Variants in CERS1 observed in about 807,000 individuals in gnomAD.
CERS1 encodes the protein Embryonic growth/differentiation factor 1.
In CERS1, 16 loss-of-function variants were observed where a neutral mutation model predicts 35.7. The ratio of observed to expected loss-of-function variants is 0.45; its 90% CI spans 0.30 to 0.68. The LOEUF is 0.68. Among genes scored for constraint, CERS1 ranks in the 30% least tolerant of loss-of-function variants. The pLI is 0.08. For missense variants in CERS1, 454 were observed against 453.9 expected (o/e 1.00, Z 0.00); for synonymous variants, 243 against 201.6 (o/e 1.21, Z -1.74).
chr19:18,868,555 CGCG>C lies in CERS1; in HGVS notation c.*1427_*1429del. ...CCAAGGAGACCAGCGGAGCAGACCA[CGCG>C]GCATTTATTGTTGGGCCCGCGTCCC... On this transcript the variant is annotated 3_prime_UTR_variant, in exon 8 of 8. Coordinates refer to ENST00000623882, the MANE Select transcript of CERS1 (RefSeq NM_021267.5). 6.9e-7 allele frequency: 1 copy of C among 1,453,864 alleles called. No homozygotes were observed. 90.1% of individuals were successfully genotyped at this position (1,453,864 alleles called of 1,614,324 possible).
intron 2 of CERS1, among the ~76,000 whole-genome samples, chr19:18,884,568 C>T (rs558326537): frequency 1.3e-4 from 20 of 152,016 alleles, no homozygotes; most frequent in Admixed American, 8.5e-4. Flanking sequence ...CCACCAAGCC[C>T]GGCTAATTTT....
intron 1 of CERS1, 94 bp from the exon 2 acceptor site, chr19:18,893,669 G>T: frequency 3.0e-6 from 4 of 1,320,308 alleles, no homozygotes; most frequent in Non-Finnish European, 2.1e-6. Flanking sequence ...GACTCCCCAG[G>T]CCGGGCAGCA....
intron 6 of CERS1, among the ~76,000 whole-genome samples, chr19:18,875,448 C>T (rs1318446353): frequency 6.6e-6 from 1 of 150,970 alleles, no homozygotes; most frequent in East Asian, 1.9e-4. Context: ...GAGGCTGAGG[C>T]AGGAGAATTA....
Position 18,895,467 on chromosome 19 carries a change from C to G in CERS1, c.249+357G>C, listed in dbSNP as rs964328959. Among the ~76,000 whole-genome samples the G allele has an allele frequency of 6.6e-6, 1 of 151,780 alleles. No homozygotes were observed. The highest frequency in any genetic ancestry group is 6.6e-5 in the Admixed American group (1 of 15,262). ...GGCCGGAGCCATCCACCGCGCGGGG[C>G]CCCCTGGTCCCAAACTGACCGGAAA... On this transcript the variant is annotated intron_variant, in intron 1 of 7. Transcript: ENST00000623882. The surrounding 1 kb of genome is among the most constrained non-coding windows in gnomAD (Gnocchi z 6.4).
At chr19:18,882,681 A>C (rs1302076272) in intron 3 of CERS1, among the ~76,000 whole-genome samples, 2 of 150,434 alleles carry the variant, frequency 1.3e-5, no homozygotes, top group Non-Finnish European at 3.0e-5. Context: ...AATTTTAAAA[A>C]TGTATTTATG....
chr19:18,895,300 G>C lies in CERS1; in HGVS notation c.249+524C>G, dbSNP rs914226745. On this transcript the variant is annotated intron_variant, in intron 1 of 7. Coordinates refer to ENST00000623882, the MANE Select transcript of CERS1 (RefSeq NM_021267.5). This position sits in a 1 kb window ranked among gnomAD's most constrained non-coding sequence, Gnocchi z 6.4. ...CGCCGCACGGACCCAGCAGAAAACGGGCAGCGGACCTCGCTCCGGGCCGGG... is the reference window on the plus strand; with the variant it reads ...CGCCGCACGGACCCAGCAGAAAACGCGCAGCGGACCTCGCTCCGGGCCGGG... 6.6e-6 allele frequency among the ~76,000 whole-genome samples: 1 copy of C among 152,198 alleles called. No homozygotes were observed. Among genetic ancestry groups the C allele is most frequent in the Non-Finnish European group, 1.5e-5 (1 of 68,042 alleles).
chr19:18,875,845 A>G (rs549026502), intron 6 of CERS1, among the ~76,000 whole-genome samples: 1 of 152,334 alleles, frequency 6.6e-6, no homozygotes, highest in South Asian at 2.1e-4. Context: ...ATGCAGCCAT[A>G]AAACAAGAAA....
chr19:18,881,516 G>A (rs977247137), intron 3 of CERS1, among the ~76,000 whole-genome samples: 4 of 151,938 alleles, frequency 2.6e-5, no homozygotes, highest in Non-Finnish European at 5.9e-5. Context: ...CACCGTGCCC[G>A]GCCCCATTAG....
chr19:18,881,221 A>ATTT (rs764854215), intron 3 of CERS1, among the ~76,000 whole-genome samples: 1 of 138,464 alleles, frequency 7.2e-6, no homozygotes, highest in Non-Finnish European at 1.6e-5. Context: ...TTTTTTTTTA[A>ATTT]TTTTTTTTTT....
In CERS1 at chr19:18,870,034, C is replaced by G. The variant is rs2145989058; in HGVS notation, c.*543G>C. 2 of 1,597,114 alleles carry G rather than the reference C, an allele frequency of 1.3e-6. No individual in the cohort carries two copies. Among genetic ancestry groups the G allele is most frequent in the Non-Finnish European group, 1.7e-6 (2 of 1,174,470 alleles). ...TTTCCGGCGACCCCCAGCTCCTCCA[C>G]GTGGCACGGTTGCAGGGTGACCCCT... On this transcript the variant is annotated 3_prime_UTR_variant, in exon 7 of 8. Coordinates refer to ENST00000623882, the MANE Select transcript of CERS1 (RefSeq NM_021267.5). This position sits in a 1 kb window ranked among gnomAD's most constrained non-coding sequence, Gnocchi z 5.1.
rs1236420144 is a variant in CERS1, at chr19:18,895,844, C to T, written c.229G>A (p.Ala77Thr). Residue 77 changes from alanine (A) to threonine (T), a missense_variant, in exon 1 of 8, where the codon GCC becomes ACC. Transcript: ENST00000623882. The surrounding 1 kb of genome is among the most constrained non-coding windows in gnomAD (Gnocchi z 6.4). ...ALGWTALRSA[A>T]TARLFRPLAK... is the part of the protein sequence containing the mutation. ...CTGACCCGAAAGAGGCGCGCAGTGG[C>T]CGCGGAGCGCAGGGCGGTCCAGCCC... 2 of 1,295,958 alleles carry T rather than the reference C, an allele frequency of 1.5e-6. No individual in the cohort carries two copies. The highest frequency in any genetic ancestry group is 9.8e-7 in the Non-Finnish European group (1 of 1,021,582). The allele number at this position is 1,295,958 out of a possible 1,614,324, so 80.3% of individuals were successfully genotyped here.
intron 2 of CERS1, among the ~76,000 whole-genome samples, chr19:18,887,566 G>A (rs1044827394): frequency 1.3e-5 from 2 of 152,074 alleles, no homozygotes; most frequent in Non-Finnish European, 2.9e-5. Flanking sequence ...CCAACATGGC[G>A]AAACCCTGTC....
At chr19:18,894,272 G>T (rs892422279) in intron 1 of CERS1, among the ~76,000 whole-genome samples, 1 of 151,886 alleles carries the variant, frequency 6.6e-6, no homozygotes, top group Non-Finnish European at 1.5e-5. Flanking sequence ...GCGGGGCGCG[G>T]CTCCAGAGCT....
chr19:18,896,014 G>A lies in CERS1; in HGVS notation c.59C>T (p.Ala20Val). ...PTGPEPMPSYAQLVQRGWGSA... is the reference protein window; with the variant it reads ...PTGPEPMPSYVQLVQRGWGSA... Reference sequence around the variant, plus strand: ...GCCCCAGCCGCGCTGCACTAGCTGCGCGTAGCTCGGCATGGGCTCGGGCCC... The same window carrying A: ...GCCCCAGCCGCGCTGCACTAGCTGCACGTAGCTCGGCATGGGCTCGGGCCC... Residue 20 changes from alanine to valine, a missense_variant, in exon 1 of 8, where the codon GCG (alanine) becomes GTG (valine). Physicochemically the swap from Ala to Val is moderately conservative, Grantham distance 64. Transcript: ENST00000623882. This position sits in a 1 kb window ranked among gnomAD's most constrained non-coding sequence, Gnocchi z 5.9. 1 of 1,009,026 alleles carries A rather than the reference G, an allele frequency of 9.9e-7. No homozygotes were observed. Among genetic ancestry groups the A allele is most frequent in the Non-Finnish European group, 1.2e-6 (1 of 846,410 alleles). 62.5% of individuals were successfully genotyped at this position (1,009,026 alleles called of 1,614,324 possible).
chr19:18,892,243 C>A (rs1317840603), intron 2 of CERS1, among the ~76,000 whole-genome samples: 3 of 151,966 alleles, frequency 2.0e-5, no homozygotes, highest in African/African-American at 7.2e-5. Flanking sequence ...CCGAGGGGAC[C>A]CTCCCACCTC....
chr19:18,889,179 A>G (rs1332613890), intron 2 of CERS1, among the ~76,000 whole-genome samples: 6 of 152,052 alleles, frequency 3.9e-5, no homozygotes, highest in South Asian at 4.1e-4. Flanking sequence ...GGTGTGAGCC[A>G]CTGCACCCGG....
In CERS1 at chr19:18,878,072, G is replaced by A. The variant is rs1205034764; in HGVS notation, c.1010+858C>T. On this transcript the variant is annotated intron_variant, in intron 6 of 7. Transcript: ENST00000623882. This position sits in a 1 kb window ranked among gnomAD's most constrained non-coding sequence, Gnocchi z 4.6. The stretch of plus-strand genomic sequence containing the variant: ...TCTCGCACCTCCCGTTCCAAAAAAC[G>A]TCACGGAGCTCTGAGCCACTGCTTC... 12 of 985,452 alleles carry A rather than the reference G, an allele frequency of 1.2e-5. No homozygotes were observed. Among genetic ancestry groups the A allele is most frequent in the African/African-American group, 1.7e-5 (1 of 57,320 alleles). 61.0% of individuals were successfully genotyped at this position (985,452 alleles called of 1,614,324 possible).
At chr19:18,876,108 C>T (rs1217129047) in intron 6 of CERS1, among the ~76,000 whole-genome samples, 2 of 152,206 alleles carry the variant, frequency 1.3e-5, no homozygotes, top group Non-Finnish European at 2.9e-5. Flanking sequence ...CCTCAGCCTC[C>T]TGAGTAGCTG....
intron 6 of CERS1, among the ~76,000 whole-genome samples, chr19:18,871,479 C>T (rs754097735): frequency 6.6e-6 from 1 of 152,170 alleles, no homozygotes; most frequent in Non-Finnish European, 1.5e-5. Context: ...ACCTTGGCCT[C>T]CCAAAGTGCT....
Sources: allele counts gnomAD v4.1 joint callset (sites outside exome capture counted in the v4.1 genomes callset), GRCh38; gene constraint gnomAD v4.1.1; non-coding constraint Gnocchi (gnomAD v3.1); transcripts MANE v1.5; gene names NCBI Gene and HGNC (gene_info 2026-07-23, HGNC 2026-07-21).